SNTG1: variants seen among roughly 807,000 people sequenced by gnomAD.
SNTG1 encodes the protein gamma-1-syntrophin.
A neutral mutation model predicts 74.7 loss-of-function variants in SNTG1; 39 were observed. That is an observed-to-expected ratio of 0.52 (90% CI 0.40 to 0.68). SNTG1 has a LOEUF of 0.68. SNTG1 is among the 30% of genes least tolerant of loss of function. The pLI is 0.00. For missense variants in SNTG1, 685 were observed against 609.5 expected (o/e 1.12, Z -1.30); for synonymous variants, 254 against 217.1 (o/e 1.17, Z -1.49).
At chr8:50,163,894 A>G (rs1348776590) in intron 1 of SNTG1, 1 of 152,112 alleles carries the variant, frequency 6.6e-6, no homozygotes, top group Non-Finnish European at 1.5e-5. Flanking sequence ...ATCTTCATCA[A>G]TATCACTTGT....
chr8:50,707,669 G>T (rs1033994704), intron 16 of SNTG1, among the ~76,000 whole-genome samples: 1 of 151,700 alleles, frequency 6.6e-6, no homozygotes, highest in East Asian at 1.9e-4. Context: ...TTAAAAATTT[G>T]CTTCAGATAA....
At chr8:50,464,728 A>C (rs1206672428) in intron 8 of SNTG1, among the ~76,000 whole-genome samples, 2 of 151,938 alleles carry the variant, frequency 1.3e-5, no homozygotes, top group African/African-American at 4.8e-5. Context: ...GACAGAGTGG[A>C]ACTCTGTCTC....
At chr8:50,784,198 C>T (rs1029549990) in intron 18 of SNTG1, among the ~76,000 whole-genome samples, 15 of 152,208 alleles carry the variant, frequency 9.9e-5, no homozygotes, top group South Asian at 4.1e-4. Flanking sequence ...AATTTCCTTA[C>T]GTTTGTTTTA....
At chr8:50,749,218 C>T (rs941505281) in intron 17 of SNTG1, among the ~76,000 whole-genome samples, 21 of 151,984 alleles carry the variant, frequency 1.4e-4, no homozygotes, top group African/African-American at 4.8e-4. Flanking sequence ...ATCAAACCAG[C>T]CACAACATTC....
chr8:50,435,190 G>A (rs935906641), intron 4 of SNTG1, among the ~76,000 whole-genome samples: 7 of 151,978 alleles, frequency 4.6e-5, no homozygotes, highest in Non-Finnish European at 4.4e-5. Flanking sequence ...TATACAGTCC[G>A]ATATTAATCT....
At chr8:50,022,053 C>A (rs1007003547) in intron 1 of SNTG1, among the ~76,000 whole-genome samples, 4 of 151,906 alleles carry the variant, frequency 2.6e-5, no homozygotes, top group Non-Finnish European at 5.9e-5. Flanking sequence ...CACAGTAATT[C>A]AAAAATTCAG....
chr8:50,298,210 C>G (rs2089480330), intron 2 of SNTG1, among the ~76,000 whole-genome samples: 1 of 152,064 alleles, frequency 6.6e-6, no homozygotes, highest in African/African-American at 2.4e-5. Flanking sequence ...CTCCAAATAT[C>G]AGGAAGAGTA....
At position 50,383,355 on chromosome 8, in the gene SNTG1, TTAAC is replaced by T. The variant is rs112861820; in HGVS notation, c.-27-10854_-27-10851del. Among the ~76,000 whole-genome samples, 219 of 152,210 alleles carry T rather than the reference TTAAC, an allele frequency of 1.4e-3. 1 individual carries two copies. Among genetic ancestry groups the T allele is most frequent in the African/African-American group, 4.9e-3 (204 of 41,520 alleles). On this transcript the variant is annotated intron_variant, in intron 2 of 18. Transcript: ENST00000642720. ...GTAATTTAAATGCTGTGATGTAAAATTAACTATTATTAATAAATCTTATGTTAGA... is the reference window on the plus strand; with the variant it reads ...GTAATTTAAATGCTGTGATGTAAAATTATTATTAATAAATCTTATGTTAGA...
chr8:50,510,774 T>C (rs1585518613), intron 9 of SNTG1, among the ~76,000 whole-genome samples: 1 of 152,174 alleles, frequency 6.6e-6, no homozygotes, highest in Admixed American at 6.5e-5. Flanking sequence ...CCCTTTATCA[T>C]TTTGTATTGC....
intron 2 of SNTG1, among the ~76,000 whole-genome samples, chr8:50,345,678 A>T (rs2130963942): frequency 6.6e-6 from 1 of 152,350 alleles, no homozygotes; most frequent in East Asian, 1.9e-4. Flanking sequence ...ACAAAAAATA[A>T]GCAATGACTA....
intron 18 of SNTG1, among the ~76,000 whole-genome samples, chr8:50,774,680 A>G (rs577915618): frequency 6.6e-6 from 1 of 151,980 alleles, no homozygotes; most frequent in Admixed American, 6.6e-5. Flanking sequence ...AAGTGACAGT[A>G]TAAATGCATT....
intron 15 of SNTG1, among the ~76,000 whole-genome samples, chr8:50,703,399 A>G (rs1036249694): frequency 1.4e-4 from 21 of 152,164 alleles, no homozygotes; most frequent in African/African-American, 5.1e-4. Context: ...GATGAGTTCC[A>G]TCATCACATC....
At chr8:50,499,398 A>G (rs1281652789) in intron 8 of SNTG1, among the ~76,000 whole-genome samples, 1 of 149,014 alleles carries the variant, frequency 6.7e-6, no homozygotes, top group African/African-American at 2.4e-5. Flanking sequence ...TGCTAGAAAG[A>G]TTAGTTATGA....
chr8:50,220,806 A>G (rs1054207218), intron 2 of SNTG1, among the ~76,000 whole-genome samples: 4 of 152,188 alleles, frequency 2.6e-5, no homozygotes, highest in African/African-American at 9.6e-5. Flanking sequence ...GAAGACTTCT[A>G]TTTCCCAATA....
rs866687000 is a variant in SNTG1 at position 50,336,165 on chromosome 8, A to G, written c.-27-58047A>G. On this transcript the variant is annotated intron_variant, in intron 2 of 18. Transcript: ENST00000642720. Reference sequence around the variant, plus strand: ...GCCATGGTCCCTGCAAACTGCAAAGAGGACTGGGAAATGTAATTTCTCTTA... The same window carrying G: ...GCCATGGTCCCTGCAAACTGCAAAGGGGACTGGGAAATGTAATTTCTCTTA... 5.3e-5 allele frequency among the ~76,000 whole-genome samples: 8 copies of G among 152,216 alleles called. No homozygotes were observed. In the South Asian group the frequency reaches 1.5e-3, roughly 28 times the overall value.
intron 14 of SNTG1, among the ~76,000 whole-genome samples, chr8:50,658,136 A>C (rs1205731344): frequency 6.6e-6 from 1 of 152,162 alleles, no homozygotes; most frequent in African/African-American, 2.4e-5. Context: ...AAATAACTGC[A>C]TTATGCTTTG....
intron 8 of SNTG1, among the ~76,000 whole-genome samples, chr8:50,459,292 C>T (rs940416872): frequency 3.9e-5 from 6 of 151,984 alleles, no homozygotes; most frequent in Admixed American, 1.3e-4. Flanking sequence ...TGAAATTAAA[C>T]GTTGGTAAGC....
At chr8:49,916,430 TA>T (rs1806040192) in intron 1 of SNTG1, among the ~76,000 whole-genome samples, 2 of 152,314 alleles carry the variant, frequency 1.3e-5, no homozygotes, top group Admixed American at 6.5e-5. Context: ...GATCATGTTA[TA>T]TTTTTTTTCA....
At chr8:50,520,203 T>A (rs2094167864) in intron 9 of SNTG1, among the ~76,000 whole-genome samples, 1 of 152,200 alleles carries the variant, frequency 6.6e-6, no homozygotes, top group Non-Finnish European at 1.5e-5. Flanking sequence ...GGATTCCCTA[T>A]TTAATAAATG....
Sources: allele counts gnomAD v4.1 joint callset (sites outside exome capture counted in the v4.1 genomes callset), GRCh38; gene constraint gnomAD v4.1.1; transcripts MANE v1.5; gene names NCBI Gene and HGNC (gene_info 2026-07-23, HGNC 2026-07-21).